CELF2: variants seen among roughly 807,000 people sequenced by gnomAD.
CELF2 encodes CUG triplet repeat RNA-binding protein 2.
Under a neutral mutation model 62.6 loss-of-function variants are expected in CELF2, and 8 were observed. The ratio of observed to expected loss-of-function variants is 0.13; its 90% confidence interval spans 0.07 to 0.23. CELF2 has a LOEUF of 0.23. Ranked by LOEUF, CELF2 falls within the 10% of genes least tolerant of loss-of-function variation. CELF2 has a pLI of 1.00. For synonymous variants in CELF2, 258 were observed against 250.0 expected (o/e 1.03, Z -0.30); for missense variants, 333 against 671.0 (o/e 0.50, Z 5.56).
chr10:10,877,289 A>G (rs904374000), intron 1 of CELF2, among the ~76,000 whole-genome samples: 1 of 152,254 alleles, frequency 6.6e-6, no homozygotes, highest in African/African-American at 2.4e-5. Context: ...ACACAGCCTC[A>G]GGAGATCCTG....
chr10:10,920,107 T>C (rs963783976), intron 2 of CELF2: 4 of 797,718 alleles, frequency 5.0e-6, no homozygotes, highest in Non-Finnish European at 6.7e-6. Context: ...CTTCCTCATG[T>C]CAGATTTTGA....
intron 2 of CELF2, among the ~76,000 whole-genome samples, chr10:10,924,260 C>A (rs1484459052): frequency 9.5e-6 from 1 of 105,278 alleles, no homozygotes; most frequent in Admixed American, 1.6e-4. Flanking sequence ...CCAGCCTGGG[C>A]AACACAGCGA....
chr10:10,473,224 G>A, the CELF2 span, among the ~76,000 whole-genome samples: 2 of 152,114 alleles, frequency 1.3e-5, no homozygotes, highest in East Asian at 3.9e-4. Flanking sequence ...TGATAGCCAT[G>A]TGAAGACAGA....
At chr10:11,060,986 C>A (rs931993429) in intron 1 of CELF2, among the ~76,000 whole-genome samples, 1 of 152,118 alleles carries the variant, frequency 6.6e-6, no homozygotes, top group East Asian at 1.9e-4. Context: ...GAAATCAGGT[C>A]AATTAATAAC....
intron 1 of CELF2, among the ~76,000 whole-genome samples, chr10:10,846,424 C>A (rs1423005697): frequency 6.6e-6 from 1 of 152,116 alleles, no homozygotes; most frequent in Non-Finnish European, 1.5e-5. Context: ...CCACTGGTGT[C>A]TTTTCATCTT....
At chr10:11,066,659 G>A (rs2068247340) in intron 1 of CELF2, among the ~76,000 whole-genome samples, 1 of 152,182 alleles carries the variant, frequency 6.6e-6, no homozygotes, top group Admixed American at 6.5e-5. Flanking sequence ...TACTATGTCA[G>A]CTGGGGTGTG....
chr10:11,195,610 A>G (rs2057256975), intron 2 of CELF2, among the ~76,000 whole-genome samples: 2 of 152,194 alleles, frequency 1.3e-5, no homozygotes, highest in African/African-American at 2.4e-5. Context: ...ATTAGAAGGA[A>G]GATTATTTTG....
intron 3 of CELF2, among the ~76,000 whole-genome samples, chr10:11,241,320 C>T (rs1285474831): frequency 6.6e-6 from 1 of 152,238 alleles, no homozygotes. Context: ...CTGCCTCAGT[C>T]TCCCAAGTAG....
chr10:10,817,803 G>A (rs2056607597), intron 1 of CELF2, among the ~76,000 whole-genome samples: 1 of 152,182 alleles, frequency 6.6e-6, no homozygotes. Context: ...ACATCATTAT[G>A]TCGTAAAGTA....
the CELF2 span, among the ~76,000 whole-genome samples, chr10:10,650,328 A>C: frequency 1.6e-4 from 24 of 152,352 alleles, no homozygotes; most frequent in East Asian, 3.9e-3. Context: ...TTCATTAAGC[A>C]CATTTAAACT....
the CELF2 span, among the ~76,000 whole-genome samples, chr10:10,649,734 A>G: frequency 6.6e-6 from 1 of 152,154 alleles, no homozygotes; most frequent in African/African-American, 2.4e-5. Flanking sequence ...AGTTCCCAAA[A>G]TACTGGTTTC....
rs1200788581 is a variant in CELF2 at position 11,039,796 on chromosome 10, A to G, written c.74+21633A>G. ...TTACATTTTTGTAAATTCCATTGCC[A>G]CTGGAGGAAACCATGGACCAGAGTA... On this transcript the variant is annotated intron_variant, in intron 1 of 12. Coordinates refer to ENST00000633077, the MANE Select transcript of CELF2 (RefSeq NM_001326342.2). This position sits in a 1 kb window ranked among gnomAD's most constrained non-coding sequence, Gnocchi z 4.1. Among the ~76,000 whole-genome samples, 2 of 152,196 alleles carry G rather than the reference A, an allele frequency of 1.3e-5. No individual in the cohort carries two copies. Among genetic ancestry groups the G allele is most frequent in the Non-Finnish European group, 2.9e-5 (2 of 68,024 alleles).
chr10:10,779,680 C>T, the CELF2 span, among the ~76,000 whole-genome samples: 1 of 152,120 alleles, frequency 6.6e-6, no homozygotes, highest in Non-Finnish European at 1.5e-5. Flanking sequence ...TGCTCATGGC[C>T]TCATCTCAAG....
At chr10:11,123,745 G>A (rs1305999307) in intron 1 of CELF2, among the ~76,000 whole-genome samples, 1 of 152,184 alleles carries the variant, frequency 6.6e-6, no homozygotes, top group Non-Finnish European at 1.5e-5. Flanking sequence ...CACATTAACA[G>A]AGCACAATCC....
upstream of CELF2, among the ~76,000 whole-genome samples, chr10:11,014,178 T>A (rs1364770124): frequency 6.6e-6 from 1 of 152,178 alleles, no homozygotes; most frequent in Non-Finnish European, 1.5e-5. Flanking sequence ...GGGAAAGATG[T>A]TTTGCATCCT....
rs1189134605 is a variant in CELF2 at position 11,280,187 on chromosome 10, CAG to C, written c.841+5070_841+5071del. Among the ~76,000 whole-genome samples the C allele has an allele frequency of 2.6e-5, 4 of 152,092 alleles. No individual in the cohort carries two copies. Among genetic ancestry groups the C allele is most frequent in the African/African-American group, 9.7e-5 (4 of 41,412 alleles). ...ACATACCTCAGAAAAGAGAGAGCGA[CAG>C]AGGGGAACCAGAAAGAGGACTTCCG... On this transcript the variant is annotated intron_variant, in intron 8 of 12. Coordinates refer to ENST00000633077, the MANE Select transcript of CELF2 (RefSeq NM_001326342.2). This position sits in a 1 kb window ranked among gnomAD's most constrained non-coding sequence, Gnocchi z 7.6.
chr10:10,687,536 A>G, the CELF2 span, among the ~76,000 whole-genome samples: 1 of 152,216 alleles, frequency 6.6e-6, no homozygotes, highest in South Asian at 2.1e-4. Context: ...GACTTCCTTG[A>G]ATAAATTACT....
intron 1 of CELF2, among the ~76,000 whole-genome samples, chr10:10,835,941 C>A (rs1002026265): frequency 6.6e-6 from 1 of 151,924 alleles, no homozygotes; most frequent in East Asian, 1.9e-4. Flanking sequence ...ATGGTAGTGC[C>A]GTTTATGAAA....
the CELF2 span, chr10:10,792,431 A>C: frequency 7.5e-6 from 3 of 398,462 alleles, no homozygotes; most frequent in Non-Finnish European, 1.3e-5. Flanking sequence ...CTCTATGAGC[A>C]GGTGTTGACA....
Sources: allele counts gnomAD v4.1 joint callset (sites outside exome capture counted in the v4.1 genomes callset), GRCh38; gene constraint gnomAD v4.1.1; non-coding constraint Gnocchi (gnomAD v3.1); transcripts MANE v1.5; gene names NCBI Gene and HGNC (gene_info 2026-07-23, HGNC 2026-07-21).